WLS: variants seen among roughly 807,000 people sequenced by gnomAD.
WLS encodes the protein Wnt ligand secretion mediator.
WLS carries 23 observed loss-of-function variants against 62.8 expected under a neutral mutation model. The ratio of observed to expected loss-of-function variants is 0.37; its 90% CI spans 0.26 to 0.52. The LOEUF is 0.52. Ranked by LOEUF, WLS falls within the 20% of genes least tolerant of loss-of-function variation. The pLI, the probability that WLS is intolerant of heterozygous loss-of-function variation, is 0.92. For missense variants in WLS, 615 were observed against 697.3 expected, an observed-to-expected ratio of 0.88 and a Z score of 1.33; for synonymous variants, 246 against 244.1, an observed-to-expected ratio of 1.01 and a Z score of -0.07.
intron 2 of WLS, chr1:68,162,398 A>C: frequency 6.2e-7 from 1 of 1,613,856 alleles, no homozygotes. Context: ...TGATACAGCA[A>C]ATCCTACAGA....
chr1:68,220,414 A>G (rs1049850021), intron 1 of WLS, among the ~76,000 whole-genome samples: 3 of 152,252 alleles, frequency 2.0e-5, no homozygotes, highest in African/African-American at 7.2e-5. Flanking sequence ...CAGGCTCCCA[A>G]GAAGATGGAA....
chr1:68,145,908 G>C lies in WLS; in HGVS notation c.1239C>G (p.Ser413Arg), dbSNP rs374389935. 2 of 1,614,168 alleles carry C rather than the reference G, an allele frequency of 1.2e-6. No individual in the cohort carries two copies. Among genetic ancestry groups the C allele is most frequent in the South Asian group, 2.2e-5 (2 of 91,072 alleles). Residue 413 changes from serine to arginine, a missense_variant, in exon 9 of 12, where the codon AGC becomes AGG. Transcript: ENST00000262348. ...VFRNISGKQSSLPAMSKVRRL... is the reference protein window; with the variant it reads ...VFRNISGKQSRLPAMSKVRRL... The stretch of plus-strand genomic sequence containing the variant: ...GCCGGACTTTGCTCATAGCTGGCAG[G>C]CTGGACTGCTTCCCACTGATGTTCC...
At chr1:68,150,146 G>T (rs928701397) in intron 6 of WLS, 42 bp downstream of exon 6, 1 of 1,602,434 alleles carries the variant, frequency 6.2e-7, no homozygotes, top group Admixed American at 1.7e-5. Flanking sequence ...AGCCTGCACA[G>T]AGCAGCTGGT....
chr1:68,143,874 C>T (rs1229219387), intron 10 of WLS, among the ~76,000 whole-genome samples: 6 of 152,202 alleles, frequency 3.9e-5, no homozygotes, highest in Non-Finnish European at 5.9e-5. Flanking sequence ...AATCCATCCA[C>T]AGTCCTATCC....
chr1:68,098,936 T>G (rs1481479924), intron 11 of WLS: 1 of 914,306 alleles, frequency 1.1e-6, no homozygotes, highest in East Asian at 2.8e-5. Context: ...GATTTCTCCC[T>G]TGCCCACTAA....
intron 11 of WLS, among the ~76,000 whole-genome samples, chr1:68,133,094 T>C (rs1295452442): frequency 6.6e-6 from 1 of 151,966 alleles, no homozygotes; most frequent in Non-Finnish European, 1.5e-5. Context: ...GGGCAGAAAA[T>C]ATAAGTGTTC....
At chr1:68,130,955 G>A (rs1229732357) in intron 11 of WLS, among the ~76,000 whole-genome samples, 2 of 146,800 alleles carry the variant, frequency 1.4e-5, no homozygotes, top group African/African-American at 5.1e-5. Context: ...GTGGAGTGGA[G>A]CGATCTCAGC....
In WLS at chr1:68,137,783, T is replaced by C. The variant is rs1267776678; in HGVS notation, c.1513A>G (p.Asn505Asp). ...SHKNYGEDQS[N>D]GDLGVHSGEE... is the part of the protein sequence containing the mutation. The stretch of plus-strand genomic sequence containing the variant: ...TTCTAAAGAGACAGAAACTCACCAT[T>C]GGACTGGTCTTCTCCATAGTTTTTA... Residue 505 changes from asparagine (N) to aspartate (D), a missense_variant, in exon 11 of 12, where the codon AAT (asparagine) becomes GAT (aspartate). Transcript: ENST00000262348. 7 of 1,613,662 alleles carry C rather than the reference T, an allele frequency of 4.3e-6. No individual in the cohort carries two copies. Among genetic ancestry groups the C allele is most frequent in the Admixed American group, 3.3e-5 (2 of 59,996 alleles).
rs1051984937 is a variant in WLS, at chr1:68,229,173, A to T, written c.106+3021T>A. 2.0e-5 allele frequency among the ~76,000 whole-genome samples: 3 copies of T among 151,872 alleles called. No individual in the cohort carries two copies. In the South Asian group the frequency reaches 6.2e-4, roughly 32 times the overall value. Reference sequence around the variant, plus strand: ...TGCTAGTTAACTCACTTGCCTGGTCACTCTGGGGTTCACGGATTGTTATTG... The same window carrying T: ...TGCTAGTTAACTCACTTGCCTGGTCTCTCTGGGGTTCACGGATTGTTATTG... On this transcript the variant is annotated intron_variant, in intron 1 of 11. Transcript: ENST00000262348.
chr1:68,156,676 T>A (rs971927020), intron 3 of WLS, among the ~76,000 whole-genome samples: 6 of 152,218 alleles, frequency 3.9e-5, no homozygotes. Context: ...AGTTGGCATG[T>A]GAGATTTTTA....
exon 12 of WLS, chr1:68,098,521 C>T (rs983001526): frequency 1.6e-5 from 23 of 1,466,650 alleles, no homozygotes; most frequent in Non-Finnish European, 2.1e-5. Flanking sequence ...TTATATTTAA[C>T]ATTTTGAGAT....
chr1:68,204,969 C>T (rs555919845), intron 1 of WLS, among the ~76,000 whole-genome samples: 1 of 152,342 alleles, frequency 6.6e-6, no homozygotes, highest in East Asian at 1.9e-4. Context: ...TCCTCCAGAC[C>T]TGAACTGAAC....
chr1:68,223,197 G>A lies in WLS; in HGVS notation c.106+8997C>T, dbSNP rs148199637. On this transcript the variant is annotated intron_variant, in intron 1 of 11. Transcript: ENST00000262348. ...AAAGTAATAGATTGAGTAAAAGCAT[G>A]AGAGATTCTCTTGGGAGTAAAATGT... Among the ~76,000 whole-genome samples the A allele has an allele frequency of 3.2e-3, 482 of 152,352 alleles. 7 individuals are homozygous for A. Among genetic ancestry groups the A allele is most frequent in the African/African-American group, 0.011 (469 of 41,572 alleles).
At chr1:68,213,608 C>A (rs1277109380) in intron 1 of WLS, among the ~76,000 whole-genome samples, 1 of 152,066 alleles carries the variant, frequency 6.6e-6, no homozygotes, top group Non-Finnish European at 1.5e-5. Flanking sequence ...TGAGATGAAT[C>A]TTGCCTTGGA....
chr1:68,117,073 T>C (rs993200012), intron 11 of WLS, among the ~76,000 whole-genome samples: 1 of 151,706 alleles, frequency 6.6e-6, no homozygotes, highest in African/African-American at 2.4e-5. Flanking sequence ...TCAATTTCCT[T>C]CCTCCCTCCC....
intron 11 of WLS, among the ~76,000 whole-genome samples, chr1:68,116,810 G>A (rs1248066316): frequency 6.6e-6 from 1 of 152,154 alleles, no homozygotes; most frequent in Non-Finnish European, 1.5e-5. Context: ...AAACTCTTTT[G>A]CAATGCAGCC....
chr1:68,126,845 C>A (rs1646438330), intron 11 of WLS, among the ~76,000 whole-genome samples: 1 of 152,140 alleles, frequency 6.6e-6, no homozygotes, highest in Non-Finnish European at 1.5e-5. Context: ...CAGCATAACA[C>A]CCCTCCCAAC....
At chr1:68,174,127 G>A (rs1647194799) in intron 2 of WLS, among the ~76,000 whole-genome samples, 1 of 152,168 alleles carries the variant, frequency 6.6e-6, no homozygotes, top group African/African-American at 2.4e-5. Context: ...AATGCCTGTG[G>A]ACGGGTAGCA....
Position 68,173,327 on chromosome 1 carries a change from C to T in WLS, c.380-14080G>A, listed in dbSNP as rs1179637379. Among the ~76,000 whole-genome samples the T allele has an allele frequency of 2.0e-5, 3 of 152,002 alleles. No homozygotes were observed. In the East Asian group the frequency reaches 5.8e-4, roughly 29 times the overall value. On this transcript the variant is annotated intron_variant, in intron 2 of 11. Coordinates refer to ENST00000262348, the MANE Select transcript of WLS (RefSeq NM_024911.7). ...AGTGAGGAAAACACACAGTGGGTTT[C>T]TTTGCTTTCTCTCCAGGACACTGTC...
Sources: gnomAD v4.1 joint callset for allele counts (sites outside exome capture counted in the v4.1 genomes callset) on GRCh38, gnomAD v4.1.1 for gene constraint, MANE v1.5 for transcripts, NCBI Gene and HGNC (gene_info 2026-07-23, HGNC 2026-07-21) for gene names.